The following ATP11A variants were observed in gnomAD, a reference collection of about 807,000 sequenced individuals.
The protein encoded by ATP11A is ATPase phospholipid transporting 11A.
ATP11A carries 81 observed loss-of-function variants against 154.4 expected under a neutral mutation model. That is an observed-to-expected ratio of 0.52 (90% CI 0.44 to 0.63). The LOEUF (loss-of-function observed/expected upper bound fraction) is 0.63. ATP11A is among the 30% of genes least tolerant of loss of function. The pLI is 0.00. For missense variants in ATP11A, 1,316 were observed against 1,474.3 expected (o/e 0.89, Z 1.76); for synonymous variants, 623 against 585.9 (o/e 1.06, Z -0.91).
At chr13:112,864,184 ACG>A (rs2080232976) in intron 25 of ATP11A, among the ~76,000 whole-genome samples, 1 of 55,242 alleles carries the variant, frequency 1.8e-5, no homozygotes. Flanking sequence ...TCAGTGCAGC[ACG>A]TGCAGCTTCC....
At chr13:112,762,630 G>C (rs1176679416) in intron 1 of ATP11A, among the ~76,000 whole-genome samples, 1 of 152,170 alleles carries the variant, frequency 6.6e-6, no homozygotes, top group Non-Finnish European at 1.5e-5. Flanking sequence ...GTGCAGAAGT[G>C]GTTCATTTTT....
chr13:112,788,438 T>G (rs929358455), intron 2 of ATP11A, among the ~76,000 whole-genome samples: 2 of 149,222 alleles, frequency 1.3e-5, no homozygotes, highest in Middle Eastern at 3.3e-3. Flanking sequence ...CACACCGGTG[T>G]CCTCATGTGT....
chr13:112,828,279 G>C (rs1188010596), intron 12 of ATP11A, among the ~76,000 whole-genome samples: 3 of 143,254 alleles, frequency 2.1e-5, no homozygotes, highest in Non-Finnish European at 4.5e-5. Context: ...CAGCAGTGTT[G>C]AGTAGGGGGG....
chr13:112,706,099 A>G (rs941507452), intron 1 of ATP11A, among the ~76,000 whole-genome samples: 1 of 152,164 alleles, frequency 6.6e-6, no homozygotes, highest in Non-Finnish European at 1.5e-5. Context: ...TTTTTTCATC[A>G]GTGAAAGAGA....
rs2140142375 is a variant in ATP11A, at chr13:112,806,236, T to C, written c.276T>C (p.Ser92=). The part of the protein sequence containing the change: ...LVQLIIDTPT[S]PVTSGLPLFF... Reference sequence around the variant, plus strand: ...AGTTGATTATTGATACACCCACAAGTCCAGTGACAAGCGGACTTCCACTCT... The same window carrying C: ...AGTTGATTATTGATACACCCACAAGCCCAGTGACAAGCGGACTTCCACTCT... Residue 92 remains serine (S), a synonymous_variant, in exon 4 of 30, where the codon AGT becomes AGC. Coordinates refer to ENST00000375645, the MANE Select transcript of ATP11A (RefSeq NM_015205.3). The C allele has an allele frequency of 6.2e-7, 1 of 1,613,660 alleles. No homozygotes were observed. Among genetic ancestry groups the C allele is most frequent in the African/African-American group, 1.3e-5 (1 of 75,014 alleles).
chr13:112,808,936 C>T (rs1206209466), intron 4 of ATP11A, among the ~76,000 whole-genome samples: 1 of 152,210 alleles, frequency 6.6e-6, no homozygotes, highest in African/African-American at 2.4e-5. Context: ...ACTCCCTCAC[C>T]GCTGGGCATT....
At chr13:112,855,641 G>C (rs988137169) in intron 19 of ATP11A, among the ~76,000 whole-genome samples, 4 of 152,226 alleles carry the variant, frequency 2.6e-5, no homozygotes, top group South Asian at 2.1e-4. Flanking sequence ...ACGCCTTCCT[G>C]TTGTTTCAAA....
Position 112,693,326 on chromosome 13 carries a change from G to T in ATP11A, c.39+2871G>T, listed in dbSNP as rs186396213. On this transcript the variant is annotated intron_variant, in intron 1 of 29. Coordinates refer to ENST00000375645, the MANE Select transcript of ATP11A (RefSeq NM_015205.3). ...CTCCCTGGGGTGATGTATGTGCTCTGGGGGGCGTGGGGAAAAGCGTGTGTG... is the reference window on the plus strand; with the variant it reads ...CTCCCTGGGGTGATGTATGTGCTCTTGGGGGCGTGGGGAAAAGCGTGTGTG... Among the ~76,000 whole-genome samples the T allele has an allele frequency of 7.9e-5, 12 of 151,944 alleles. No homozygotes were observed. The East Asian group carries it at 2.1e-3, about 27-fold the overall frequency.
At position 112,855,907 on chromosome 13, in the gene ATP11A, A is replaced by G. The variant is rs1326362775; in HGVS notation, c.2244-4A>G. The G allele has an allele frequency of 1.9e-6, 3 of 1,605,242 alleles. No homozygotes were observed. Among genetic ancestry groups the G allele is most frequent in the Admixed American group, 1.7e-5 (1 of 59,212 alleles). ...CAATCTTTCTGACTCACGTACTCTA[A>G]CAGACTTTCAGCAGATATGCAGGAC... is the stretch of plus-strand genomic sequence containing the variant. On this transcript the variant is annotated splice_region_variant and splice_polypyrimidine_tract_variant and intron_variant, in intron 19 of 29. Transcript: ENST00000375645.
intron 1 of ATP11A, among the ~76,000 whole-genome samples, chr13:112,773,744 CGTG>C (rs1335691901): frequency 6.6e-6 from 1 of 152,252 alleles, no homozygotes; most frequent in Middle Eastern, 3.2e-3. Flanking sequence ...TGTTTTTAGT[CGTG>C]GTGCCCTCTG....
At chr13:112,830,693 G>C (rs1281423272) in intron 12 of ATP11A, among the ~76,000 whole-genome samples, 1 of 152,212 alleles carries the variant, frequency 6.6e-6, no homozygotes, top group Non-Finnish European at 1.5e-5. Flanking sequence ...CAAAATGCTT[G>C]GGAAGAAGTG....
chr13:112,802,140 T>G (rs1316876606), intron 2 of ATP11A, among the ~76,000 whole-genome samples: 1 of 151,970 alleles, frequency 6.6e-6, no homozygotes, highest in African/African-American at 2.4e-5. Flanking sequence ...GTCAGGAGAT[T>G]GAGACCAACC....
intron 1 of ATP11A, chr13:112,745,515 T>A (rs1213569480): frequency 6.6e-6 from 1 of 152,242 alleles, no homozygotes; most frequent in East Asian, 1.9e-4. Context: ...GCTCTTACTG[T>A]GTACCCTAGT....
intron 15 of ATP11A, 45 bp downstream of exon 15, chr13:112,834,705 A>G: frequency 6.8e-7 from 1 of 1,464,902 alleles, no homozygotes; most frequent in Non-Finnish European, 9.5e-7. Context: ...CTAACGAATA[A>G]AGAGTGTTCT....
chr13:112,805,189 G>C, intron 3 of ATP11A, 143 bp downstream of exon 3: 1 of 556,980 alleles, frequency 1.8e-6, no homozygotes, highest in Non-Finnish European at 3.0e-6. Context: ...TTTTCTTAAG[G>C]AAGGGCAAAA....
intron 1 of ATP11A, among the ~76,000 whole-genome samples, chr13:112,775,712 G>GCCC (rs5806964): frequency 4.3e-4 from 65 of 151,522 alleles, no homozygotes; most frequent in Non-Finnish European, 5.6e-4. Context: ...ATTTCATAAT[G>GCCC]CCCCCCCCGC....
Position 112,836,230 on chromosome 13 carries a change from G to A in ATP11A, c.1684G>A (p.Val562Ile), listed in dbSNP as rs750336456. Residue 562 changes from valine to isoleucine, a missense_variant, in exon 16 of 30, where the codon GTA becomes ATA. This residue lies in a region of ATP11A where 876 missense variants were observed against 1,006.8 expected (regional missense o/e 0.87). Transcript: ENST00000375645. Reference protein sequence around the residue: ...SFDSVRRRMSVIVKSATGEIY... With the variant: ...SFDSVRRRMSIIVKSATGEIY... Reference sequence around the variant, plus strand: ...TGACTCAGTCAGAAGGAGAATGAGTGTAATTGTAAAATCTGCTACAGGTAA... The same window carrying A: ...TGACTCAGTCAGAAGGAGAATGAGTATAATTGTAAAATCTGCTACAGGTAA... 54 of 1,610,368 alleles carry A rather than the reference G, an allele frequency of 3.4e-5. No homozygotes were observed. Among genetic ancestry groups the A allele is most frequent in the Admixed American group, 6.7e-5 (4 of 59,816 alleles).
rs114265188 is a variant in ATP11A at position 112,782,981 on chromosome 13, C to T, written c.40-2154C>T. Among the ~76,000 whole-genome samples, 141 of 152,384 alleles carry T rather than the reference C, an allele frequency of 9.3e-4. 1 individual carries two copies. The highest frequency in any genetic ancestry group is 3.2e-3 in the African/African-American group (135 of 41,594). On this transcript the variant is annotated intron_variant, in intron 1 of 29. Coordinates refer to ENST00000375645, the MANE Select transcript of ATP11A (RefSeq NM_015205.3). ...TCTCAGCCAAACATCTCTGAAAACA[C>T]AGTTGGGGCACATGGAGACTGCTGT...
At chr13:112,691,515 G>A (rs942106486) in intron 1 of ATP11A, among the ~76,000 whole-genome samples, 2 of 145,110 alleles carry the variant, frequency 1.4e-5, no homozygotes, top group Non-Finnish European at 3.0e-5. Context: ...TGTAGGAGAG[G>A]AAGAAAACTG....
Sources: allele counts gnomAD v4.1 joint callset (sites outside exome capture counted in the v4.1 genomes callset), GRCh38; gene constraint gnomAD v4.1.1; regional missense constraint gnomAD v4.1.1; transcripts MANE v1.5; gene names NCBI Gene and HGNC (gene_info 2026-07-23, HGNC 2026-07-21).